CDKAL1: variants seen among roughly 807,000 people sequenced by gnomAD.
CDKAL1 encodes CDKAL1 threonylcarbamoyladenosine tRNA methylthiotransferase.
In CDKAL1, 32 loss-of-function variants were observed where a neutral mutation model predicts 68.2. The observed-to-expected ratio is 0.47, with a 90% CI of 0.35 to 0.63. The LOEUF is 0.63. CDKAL1 is among the 30% of genes least tolerant of loss of function. The pLI, the probability that CDKAL1 is intolerant of heterozygous loss-of-function variation, is 0.00. For missense variants in CDKAL1, 606 were observed against 696.7 expected (o/e 0.87, Z 1.47); for synonymous variants, 234 against 244.3 (o/e 0.96, Z 0.39).
chr6:20,860,435 A>G (rs1402604840), intron 9 of CDKAL1, among the ~76,000 whole-genome samples: 1 of 152,130 alleles, frequency 6.6e-6, no homozygotes, highest in Non-Finnish European at 1.5e-5. Flanking sequence ...TCATTTATTT[A>G]TTGTCTGTTC....
intron 9 of CDKAL1, among the ~76,000 whole-genome samples, chr6:20,936,515 G>T (rs2150686400): frequency 6.6e-6 from 1 of 151,520 alleles, no homozygotes; most frequent in Non-Finnish European, 1.5e-5. Flanking sequence ...CTCCCAAAGT[G>T]CTGGGATTAC....
intron 15 of CDKAL1, among the ~76,000 whole-genome samples, chr6:21,217,617 C>A (rs1017289593): frequency 3.3e-5 from 5 of 152,128 alleles, no homozygotes; most frequent in Non-Finnish European, 7.4e-5. Flanking sequence ...CCTGCCTCAG[C>A]CTCCCAAGTA....
chr6:20,578,732 G>A (rs561076245), intron 4 of CDKAL1, among the ~76,000 whole-genome samples: 16 of 152,202 alleles, frequency 1.1e-4, no homozygotes, highest in Non-Finnish European at 1.8e-4. Flanking sequence ...AATTCTCTAC[G>A]GCAGACATGT....
At chr6:21,126,664 G>T (rs988954808) in intron 13 of CDKAL1, among the ~76,000 whole-genome samples, 1 of 151,948 alleles carries the variant, frequency 6.6e-6, no homozygotes, top group South Asian at 2.1e-4. Context: ...ACGTGAGCTT[G>T]CCATTTTGAA....
At chr6:20,653,469 T>C (rs979930458) in intron 5 of CDKAL1, among the ~76,000 whole-genome samples, 1 of 152,216 alleles carries the variant, frequency 6.6e-6, no homozygotes, top group African/African-American at 2.4e-5. Flanking sequence ...TTTCTTTTCT[T>C]GAGACAGGCT....
intron 4 of CDKAL1, among the ~76,000 whole-genome samples, chr6:20,626,243 G>A (rs1352126959): frequency 2.0e-5 from 3 of 152,020 alleles, no homozygotes; most frequent in Non-Finnish European, 2.9e-5. Context: ...AAATATTGGT[G>A]TTAGGAGACA....
At chr6:21,107,393 A>T (rs1405061849) in intron 12 of CDKAL1, among the ~76,000 whole-genome samples, 2 of 152,120 alleles carry the variant, frequency 1.3e-5, no homozygotes. Flanking sequence ...TTAGAAATGA[A>T]AAGAGCGTTC....
chr6:20,833,263 A>G (rs146850822), intron 8 of CDKAL1, among the ~76,000 whole-genome samples: 1,731 of 152,322 alleles, frequency 0.011, 32 homozygotes, highest in African/African-American at 0.039. Flanking sequence ...ATTCCTGAAC[A>G]AAATCAGTAT....
intron 5 of CDKAL1, among the ~76,000 whole-genome samples, chr6:20,734,462 A>C (rs947827416): frequency 8.5e-5 from 13 of 152,192 alleles, no homozygotes; most frequent in African/African-American, 3.1e-4. Context: ...AAAGCTTTTA[A>C]AAATATGTCT....
chr6:20,901,063 C>T (rs1429115048), intron 9 of CDKAL1, among the ~76,000 whole-genome samples: 1 of 152,014 alleles, frequency 6.6e-6, no homozygotes, highest in Non-Finnish European at 1.5e-5. Flanking sequence ...TCTTTGAAGT[C>T]TAGCGATGAT....
intron 11 of CDKAL1, among the ~76,000 whole-genome samples, chr6:21,051,117 T>G (rs1443995554): frequency 6.6e-6 from 1 of 152,196 alleles, no homozygotes. Flanking sequence ...AGTAGCAGAA[T>G]GTGAACACTG....
chr6:20,650,151 C>T (rs1768685851), intron 5 of CDKAL1, among the ~76,000 whole-genome samples: 1 of 152,170 alleles, frequency 6.6e-6, no homozygotes, highest in Admixed American at 6.5e-5. Context: ...CTGTCTTCCA[C>T]AATGGTTTAA....
chr6:21,187,089 T>G (rs1398960571), intron 13 of CDKAL1, among the ~76,000 whole-genome samples: 1 of 152,202 alleles, frequency 6.6e-6, no homozygotes, highest in Non-Finnish European at 1.5e-5. Flanking sequence ...CGGTGTGTAC[T>G]TTGCACTGGT....
chr6:20,559,410 C>A (rs985691703), intron 4 of CDKAL1: 1 of 152,158 alleles, frequency 6.6e-6, no homozygotes, highest in African/African-American at 2.4e-5. Context: ...GTTAGTAACT[C>A]TCATGGCAAT....
At chr6:20,711,737 G>A (rs1771855775) in intron 5 of CDKAL1, among the ~76,000 whole-genome samples, 2 of 152,120 alleles carry the variant, frequency 1.3e-5, no homozygotes, top group African/African-American at 4.8e-5. Flanking sequence ...TAAACTTTTG[G>A]TTCTGTCATT....
intron 8 of CDKAL1, among the ~76,000 whole-genome samples, chr6:20,806,318 A>G (rs1297479462): frequency 6.6e-6 from 1 of 152,102 alleles, no homozygotes; most frequent in African/African-American, 2.4e-5. Context: ...ACATACATGA[A>G]CTTATTCTTT....
chr6:20,667,488 C>G (rs540180965), intron 5 of CDKAL1, among the ~76,000 whole-genome samples: 1 of 152,078 alleles, frequency 6.6e-6, no homozygotes, highest in East Asian at 1.9e-4. Context: ...TTACACCCCC[C>G]TTCCCTCAAC....
intron 9 of CDKAL1, among the ~76,000 whole-genome samples, chr6:20,870,623 C>T (rs2150540609): frequency 1.3e-5 from 2 of 152,276 alleles, no homozygotes; most frequent in Admixed American, 1.3e-4. Flanking sequence ...ATTCAGTAGA[C>T]ATTTGCTCTG....
intron 11 of CDKAL1, among the ~76,000 whole-genome samples, chr6:21,000,879 GATTCTACTTTTT>G: frequency 6.6e-6 from 1 of 152,294 alleles, no homozygotes; most frequent in South Asian, 2.1e-4. Flanking sequence ...AAGGTTTGAG[GATTCTACTTTTT>G]AAAGTTCAAA....
Sources: allele counts gnomAD v4.1 joint callset (sites outside exome capture counted in the v4.1 genomes callset), GRCh38; gene constraint gnomAD v4.1.1; transcripts MANE v1.5; gene names NCBI Gene and HGNC (gene_info 2026-07-23, HGNC 2026-07-21).